The following ATP10A variants were observed in gnomAD, a reference collection of about 807,000 sequenced individuals.
ATP10A encodes phospholipid-transporting ATPase VA.
Under a neutral mutation model 147.8 loss-of-function variants are expected in ATP10A, and 111 were observed. The ratio of observed to expected loss-of-function variants is 0.75; its 90% CI spans 0.64 to 0.88. The LOEUF is 0.88. Ranked by LOEUF, ATP10A falls within the 40% of genes least tolerant of loss-of-function variation. The probability of loss-of-function intolerance (pLI) is 0.00; values close to 1 mark genes in which losing one functional copy is unlikely to be tolerated. For missense variants in ATP10A, 1,927 were observed against 1,959.0 expected (o/e 0.98, Z 0.31); for synonymous variants, 875 against 841.6 (o/e 1.04, Z -0.69).
chr15:25,681,189 A>AAG, intron 17 of ATP10A, 115 bp from the exon 18 acceptor site: 1 of 1,059,704 alleles, frequency 9.4e-7, no homozygotes, highest in Non-Finnish European at 1.4e-6. Context: ...AACAACAAAA[A>AAG]CCCACCCTGA....
intron 12 of ATP10A, 62 bp downstream of exon 12, chr15:25,707,914 C>T: frequency 1.3e-6 from 2 of 1,593,228 alleles, no homozygotes; most frequent in South Asian, 2.2e-5. Flanking sequence ...GCACTCACCC[C>T]TCCAGGGCCG....
At chr15:25,722,024 T>G (rs1902270854) in intron 6 of ATP10A, 115 bp from the exon 7 acceptor site, 5 of 1,175,542 alleles carry the variant, frequency 4.3e-6, no homozygotes, top group Non-Finnish European at 6.0e-6. Flanking sequence ...GGGACTATAC[T>G]GTACCTTTAA....
At chr15:25,769,418 C>T (rs1386625088) in intron 2 of ATP10A, among the ~76,000 whole-genome samples, 3 of 120,212 alleles carry the variant, frequency 2.5e-5, no homozygotes, top group South Asian at 2.9e-4. Context: ...CCTGGGGGGG[C>T]GGAGGTTACA....
At chr15:25,853,471 T>C (rs1370089122) in intron 1 of ATP10A, among the ~76,000 whole-genome samples, 1 of 152,158 alleles carries the variant, frequency 6.6e-6, no homozygotes, top group Non-Finnish European at 1.5e-5. Context: ...CTGACTGGCC[T>C]TTGGGAAAGG....
chr15:25,739,311 CT>C (rs1187523822), intron 2 of ATP10A, among the ~76,000 whole-genome samples: 1 of 152,138 alleles, frequency 6.6e-6, no homozygotes, highest in Admixed American at 6.5e-5. Context: ...CTCAACATAC[CT>C]TAATCTGATC....
intron 1 of ATP10A, among the ~76,000 whole-genome samples, chr15:25,814,402 A>C (rs1204350373): frequency 6.6e-6 from 1 of 152,236 alleles, no homozygotes; most frequent in Non-Finnish European, 1.5e-5. Context: ...AGGCAGAAGG[A>C]AAATGATGCC....
In ATP10A at chr15:25,857,396, G is replaced by A. The variant is rs145602774; in HGVS notation, c.449+5252C>T. ...CAAGAGATGGAAGCTGCAGTGAACC[G>A]TGATCATGCCACTGTACTCCAGCCT... On this transcript the variant is annotated intron_variant, in intron 1 of 20. Coordinates refer to ENST00000555815, the MANE Select transcript of ATP10A (RefSeq NM_024490.4). Among the ~76,000 whole-genome samples, 63 of 152,294 alleles carry A rather than the reference G, an allele frequency of 4.1e-4. 1 individual carries two copies. The East Asian group carries it at 5.6e-3, about 14-fold the overall frequency.
At chr15:25,720,137 A>C (rs1902123088) in intron 7 of ATP10A, among the ~76,000 whole-genome samples, 1 of 152,186 alleles carries the variant, frequency 6.6e-6, no homozygotes, top group South Asian at 2.1e-4. Flanking sequence ...CTGGGAGCCT[A>C]AGCTTCCAAC....
chr15:25,694,420 G>A (rs1272373801), intron 14 of ATP10A, among the ~76,000 whole-genome samples: 1 of 152,244 alleles, frequency 6.6e-6, no homozygotes, highest in African/African-American at 2.4e-5. Flanking sequence ...ACACCCGGAG[G>A]CTCATGGTGA....
At chr15:25,838,973 T>A (rs1892696977) in intron 1 of ATP10A, among the ~76,000 whole-genome samples, 2 of 152,188 alleles carry the variant, frequency 1.3e-5, no homozygotes, top group African/African-American at 4.8e-5. Flanking sequence ...ACAAGCTGGG[T>A]CATTCAGGAA....
chr15:25,774,543 T>A (rs1889508572), intron 2 of ATP10A, among the ~76,000 whole-genome samples: 1 of 147,802 alleles, frequency 6.8e-6, no homozygotes, highest in Admixed American at 6.8e-5. Flanking sequence ...GCCATTGCAC[T>A]CCAGCCTGGG....
At chr15:25,749,850 A>T (rs4505279) in intron 2 of ATP10A, among the ~76,000 whole-genome samples, 149,340 of 152,240 alleles carry the variant, frequency 0.98, 73,312 homozygotes, top group East Asian at 1. Flanking sequence ...ATAAACTGAA[A>T]GAGATCAACA....
intron 16 of ATP10A, chr15:25,683,770 G>A (rs74649341): frequency 2.5e-5 from 12 of 476,416 alleles, no homozygotes; most frequent in African/African-American, 2.3e-4. Flanking sequence ...TTTTGTGCTT[G>A]ACAAGCTCTG....
chr15:25,761,208 T>G (rs1888739396), intron 2 of ATP10A, among the ~76,000 whole-genome samples: 1 of 152,194 alleles, frequency 6.6e-6, no homozygotes, highest in South Asian at 2.1e-4. Flanking sequence ...CATTTCTATC[T>G]CTTAAAAATT....
At chr15:25,673,518 G>T (rs1899081834), downstream of ATP10A, among the ~76,000 whole-genome samples, 1 of 152,214 alleles carries the variant, frequency 6.6e-6, no homozygotes, top group Non-Finnish European at 1.5e-5. Flanking sequence ...CACACACATA[G>T]GACTTTCACA....
At chr15:25,833,642 C>A (rs936110113) in intron 1 of ATP10A, among the ~76,000 whole-genome samples, 5 of 152,182 alleles carry the variant, frequency 3.3e-5, no homozygotes, top group Non-Finnish European at 5.9e-5. Flanking sequence ...CTATGTTACT[C>A]CTGCATACTT....
intron 2 of ATP10A, among the ~76,000 whole-genome samples, chr15:25,774,525 G>C (rs1272617411): frequency 6.6e-6 from 1 of 151,246 alleles, no homozygotes; most frequent in African/African-American, 2.4e-5. Flanking sequence ...GCAGTGAGCC[G>C]AGATAGTGCC....
intron 1 of ATP10A, among the ~76,000 whole-genome samples, chr15:25,806,296 T>C (rs1317484775): frequency 6.6e-6 from 1 of 152,088 alleles, no homozygotes; most frequent in Non-Finnish European, 1.5e-5. Flanking sequence ...AGTAAATGTA[T>C]TTCCTCTGCC....
intron 16 of ATP10A, chr15:25,683,730 TC>T: frequency 1.8e-6 from 1 of 550,322 alleles, no homozygotes; most frequent in Non-Finnish European, 3.2e-6. Flanking sequence ...AATTGGGAAT[TC>T]CCAGGAGCAG....
Sources: allele counts gnomAD v4.1 joint callset (sites outside exome capture counted in the v4.1 genomes callset), GRCh38; gene constraint gnomAD v4.1.1; transcripts MANE v1.5; gene names NCBI Gene and HGNC (gene_info 2026-07-23, HGNC 2026-07-21).